Variants in MAGI3 observed in about 807,000 individuals in gnomAD.
MAGI3 encodes the protein membrane associated guanylate kinase, WW and PDZ domain containing 3, also known as membrane-associated guanylate kinase, WW and PDZ domain-containing protein 3.
Under a neutral mutation model 121.8 loss-of-function variants are expected in MAGI3, and 43 were observed. The ratio of observed to expected loss-of-function variants is 0.35; its 90% CI spans 0.28 to 0.46. The LOEUF is 0.46. Ranked by LOEUF, MAGI3 falls within the 20% of genes least tolerant of loss-of-function variation. The pLI is 1.00. For missense variants in MAGI3, 1,547 were observed against 1,797.3 expected (o/e 0.86, Z 2.52); for synonymous variants, 553 against 639.3 (o/e 0.86, Z 2.04).
At chr1:113,418,908 A>T (rs1015724149) in intron 1 of MAGI3, among the ~76,000 whole-genome samples, 1 of 152,154 alleles carries the variant, frequency 6.6e-6, no homozygotes, top group African/African-American at 2.4e-5. Flanking sequence ...TTTAAAGTGA[A>T]TTTTACAGGA....
At chr1:113,522,527 C>G (rs1243990929) in intron 1 of MAGI3, among the ~76,000 whole-genome samples, 5 of 152,212 alleles carry the variant, frequency 3.3e-5, no homozygotes, top group Admixed American at 3.3e-4. Context: ...TACTTAACCT[C>G]TTAATACCTC....
intron 1 of MAGI3, among the ~76,000 whole-genome samples, chr1:113,479,565 G>A (rs1317522860): frequency 6.6e-6 from 1 of 152,158 alleles, no homozygotes; most frequent in East Asian, 1.9e-4. Flanking sequence ...ATTAAAATGT[G>A]TCTTGGTAAA....
At chr1:113,623,443 T>TACACACATAC (rs1553208626) in intron 9 of MAGI3, among the ~76,000 whole-genome samples, 1 of 62,996 alleles carries the variant, frequency 1.6e-5, no homozygotes, top group Non-Finnish European at 3.2e-5. Flanking sequence ...CACATATATA[T>TACACACATAC]ACACACACAT....
intron 9 of MAGI3, among the ~76,000 whole-genome samples, chr1:113,638,995 C>G (rs1242271297): frequency 6.6e-6 from 1 of 152,252 alleles, no homozygotes; most frequent in Non-Finnish European, 1.5e-5. Flanking sequence ...GACTGCTGTG[C>G]TAGCAATCAG....
intron 1 of MAGI3, among the ~76,000 whole-genome samples, chr1:113,536,997 T>C (rs1034357649): frequency 6.6e-6 from 1 of 152,350 alleles, no homozygotes; most frequent in East Asian, 1.9e-4. Context: ...GTTACTTTTT[T>C]AATATGCCAG....
At chr1:113,626,845 T>C (rs1651270046) in intron 9 of MAGI3, among the ~76,000 whole-genome samples, 2 of 152,182 alleles carry the variant, frequency 1.3e-5, no homozygotes, top group Admixed American at 1.3e-4. Context: ...ACCTCTTTTT[T>C]TCTGTTAGTC....
At chr1:113,496,292 T>G (rs2101590166) in intron 1 of MAGI3, among the ~76,000 whole-genome samples, 1 of 152,334 alleles carries the variant, frequency 6.6e-6, no homozygotes, top group South Asian at 2.1e-4. Context: ...CTGGTCAATA[T>G]AAATAGAATC....
At chr1:113,506,078 G>T (rs564543324) in intron 1 of MAGI3, among the ~76,000 whole-genome samples, 1 of 152,310 alleles carries the variant, frequency 6.6e-6, no homozygotes, top group Admixed American at 6.5e-5. Context: ...AAGCAAGAAA[G>T]ACTATTGCTC....
chr1:113,676,654 T>C (rs1330548844), intron 19 of MAGI3, among the ~76,000 whole-genome samples: 1 of 152,164 alleles, frequency 6.6e-6, no homozygotes, highest in African/African-American at 2.4e-5. Context: ...CTCAATAAAA[T>C]GTTATTGATG....
At chr1:113,601,550 A>G (rs1649381268) in intron 6 of MAGI3, among the ~76,000 whole-genome samples, 1 of 149,450 alleles carries the variant, frequency 6.7e-6, no homozygotes. Flanking sequence ...TAGAATGGCA[A>G]TCATTAAAAA....
intron 1 of MAGI3, among the ~76,000 whole-genome samples, chr1:113,412,608 T>G (rs1652061700): frequency 6.6e-6 from 1 of 152,236 alleles, no homozygotes; most frequent in Admixed American, 6.5e-5. Flanking sequence ...TTGATTTGCA[T>G]TTCTCTGATG....
Position 113,580,593 on chromosome 1 carries a change from T to G in MAGI3, c.485T>G (p.Phe162Cys). The change falls in exon 3 of 21, where the codon TTC becomes TGC. Residue 162 changes from phenylalanine to cysteine, a missense_variant. By Grantham distance (205) the Phe-to-Cys change is radical (BLOSUM62 -2). Transcript: ENST00000307546. ...GAAGTACCAGGAGTGGATTATAATTTCATTTCCGTTGAACAGTTCAAAGCA... is the reference window on the plus strand; with the variant it reads ...GAAGTACCAGGAGTGGATTATAATTGCATTTCCGTTGAACAGTTCAAAGCA... The part of the protein sequence containing the change: ...DGEVPGVDYN[F>C]ISVEQFKALE... 6.2e-7 allele frequency: 1 copy of G among 1,612,416 alleles called. No individual in the cohort carries two copies. The highest frequency in any genetic ancestry group is 8.5e-7 in the Non-Finnish European group (1 of 1,178,860).
chr1:113,672,803 T>G lies in MAGI3; in HGVS notation c.3045+62T>G, dbSNP rs905084661. 2.6e-6 allele frequency: 4 copies of G among 1,532,876 alleles called. No individual in the cohort carries two copies. The African/African-American group carries it at 5.6e-5, about 21-fold the overall frequency. The allele number at this position is 1,532,876 out of a possible 1,614,324, so 95.0% of individuals were successfully genotyped here. ...TGAGTTGCCATACCACTGGCATTGG[T>G]GAATTTTTATTGCAAATCAGTTCAG... On this transcript the variant is annotated intron_variant, in intron 18 of 20. Transcript: ENST00000307546.
At chr1:113,438,382 C>T (rs1653744044) in intron 1 of MAGI3, among the ~76,000 whole-genome samples, 1 of 152,130 alleles carries the variant, frequency 6.6e-6, no homozygotes, top group Non-Finnish European at 1.5e-5. Context: ...CATCTTCTAC[C>T]CATAAATTTA....
intron 3 of MAGI3, 139 bp downstream of exon 3, chr1:113,580,800 A>G: frequency 1.6e-6 from 1 of 641,502 alleles, no homozygotes; most frequent in Non-Finnish European, 2.4e-6. Context: ...TTTTCTTTTG[A>G]TGGGGAGATT....
At chr1:113,604,747 A>G (rs2101759291) in intron 6 of MAGI3, among the ~76,000 whole-genome samples, 1 of 151,812 alleles carries the variant, frequency 6.6e-6, no homozygotes, top group Non-Finnish European at 1.5e-5. Context: ...CTATGTTCTC[A>G]CTTATAAGTG....
In MAGI3 at chr1:113,508,725, A is replaced by G. The variant is rs150757265; in HGVS notation, c.317-40790A>G. 9.2e-5 allele frequency among the ~76,000 whole-genome samples: 14 copies of G among 152,324 alleles called. No individual in the cohort carries two copies. The East Asian group carries it at 2.7e-3, about 29-fold the overall frequency. ...AGACATTTTGCTCTATGCAGGAAGT[A>G]TTCCCTAATGAAAGAATGGAGTCAG... On this transcript the variant is annotated intron_variant, in intron 1 of 20. Coordinates refer to ENST00000307546, the MANE Select transcript of MAGI3 (RefSeq NM_001142782.2).
chr1:113,537,756 G>T (rs1341342429), intron 1 of MAGI3, among the ~76,000 whole-genome samples: 1 of 152,016 alleles, frequency 6.6e-6, no homozygotes, highest in Non-Finnish European at 1.5e-5. Context: ...CTCATTTTCT[G>T]TGTTGAAAAG....
At chr1:113,424,180 C>T (rs1418716851) in intron 1 of MAGI3, among the ~76,000 whole-genome samples, 1 of 152,178 alleles carries the variant, frequency 6.6e-6, no homozygotes, top group African/African-American at 2.4e-5. Context: ...AAGGAGTGTG[C>T]AGCTCCAGCC....
Sources: gnomAD v4.1 joint callset for allele counts (sites outside exome capture counted in the v4.1 genomes callset) on GRCh38, gnomAD v4.1.1 for gene constraint, MANE v1.5 for transcripts, NCBI Gene and HGNC (gene_info 2026-07-23, HGNC 2026-07-21) for gene names.